NTM: variants seen among roughly 807,000 people sequenced by gnomAD.
NTM encodes the protein neurotrimin.
In NTM, 13 loss-of-function variants were observed where a neutral mutation model predicts 42.1. The observed-to-expected ratio is 0.31, with a 90% CI of 0.20 to 0.49. NTM has a LOEUF of 0.49. NTM is among the 20% of genes least tolerant of loss of function. The pLI is 0.99. For synonymous variants in NTM, 187 were observed against 179.2 expected, an observed-to-expected ratio of 1.04 and a Z score of -0.35; for missense variants, 373 against 452.8, an observed-to-expected ratio of 0.82 and a Z score of 1.60.
In NTM at chr11:132,168,741, G is replaced by T. The variant is rs1446480109; in HGVS notation, c.400+22227G>T. 5.3e-5 allele frequency among the ~76,000 whole-genome samples: 8 copies of T among 152,202 alleles called. No individual in the cohort carries two copies. In the East Asian group the frequency reaches 1.5e-3, roughly 29 times the overall value. ...TTTGGCTTTTAGAACTGATTTTCAG[G>T]CCAGCTCTCCTGGGGAATCTTTAAG... On this transcript the variant is annotated intron_variant, in intron 3 of 8. Transcript: ENST00000683400.
intron 1 of NTM, among the ~76,000 whole-genome samples, chr11:131,480,510 G>A (rs1207198186): frequency 6.6e-6 from 1 of 152,184 alleles, no homozygotes; most frequent in African/African-American, 2.4e-5. Flanking sequence ...TGCAGCTTGT[G>A]TACAACTTCC....
intron 4 of NTM, among the ~76,000 whole-genome samples, chr11:132,229,157 G>A (rs1435898725): frequency 2.0e-5 from 3 of 152,062 alleles, no homozygotes; most frequent in South Asian, 2.1e-4. Flanking sequence ...ATATTTTTAC[G>A]GTAGCTTGGC....
At chr11:131,910,663 G>T (rs1338676576) in intron 1 of NTM, among the ~76,000 whole-genome samples, 5 of 150,228 alleles carry the variant, frequency 3.3e-5, no homozygotes, top group Non-Finnish European at 5.9e-5. Flanking sequence ...GGCGGCCGCT[G>T]AGCTTGGCGT....
intron 1 of NTM, among the ~76,000 whole-genome samples, chr11:131,863,256 T>A (rs1050459194): frequency 6.6e-6 from 1 of 152,200 alleles, no homozygotes; most frequent in East Asian, 1.9e-4. Context: ...GGCTGCTGTC[T>A]CTGGCACCCT....
chr11:131,636,400 C>T (rs9667321), intron 1 of NTM, among the ~76,000 whole-genome samples: 22,781 of 152,206 alleles, frequency 0.15, 1,765 homozygotes, highest in South Asian at 0.2. Flanking sequence ...GCGTTCCTCC[C>T]TGCGGAACCC....
intron 3 of NTM, among the ~76,000 whole-genome samples, chr11:132,210,032 G>T (rs1190750880): frequency 2.0e-5 from 3 of 152,132 alleles, no homozygotes; most frequent in Non-Finnish European, 4.4e-5. Flanking sequence ...TCAAGTAGAG[G>T]CAAGACCAGC....
At chr11:131,424,275 G>C (rs1055995519) in intron 1 of NTM, among the ~76,000 whole-genome samples, 2 of 152,222 alleles carry the variant, frequency 1.3e-5, no homozygotes, top group Non-Finnish European at 2.9e-5. Flanking sequence ...GGATCCCTAT[G>C]TCCTGCTAAG....
chr11:131,434,732 T>C (rs977855944), intron 1 of NTM, among the ~76,000 whole-genome samples: 46 of 152,374 alleles, frequency 3.0e-4, no homozygotes, highest in Non-Finnish European at 5.0e-4. Context: ...TCTCCCATTC[T>C]GTAGGTTGCC....
At chr11:132,014,661 C>G (rs1224158779) in intron 2 of NTM, among the ~76,000 whole-genome samples, 1 of 147,464 alleles carries the variant, frequency 6.8e-6, no homozygotes, top group Admixed American at 6.8e-5. Flanking sequence ...TTTCATATAC[C>G]TGTTAATCAT....
intron 4 of NTM, among the ~76,000 whole-genome samples, chr11:132,273,343 A>T (rs1228807544): frequency 9.5e-6 from 1 of 105,058 alleles, no homozygotes; most frequent in South Asian, 3.0e-4. Flanking sequence ...TTTCCTGAGG[A>T]ATTCCACATA....
intron 1 of NTM, among the ~76,000 whole-genome samples, chr11:131,611,456 CCTCCGGCTCTCTGCCT>C (rs1323692430): frequency 2.0e-5 from 3 of 152,178 alleles, no homozygotes; most frequent in African/African-American, 7.2e-5. Flanking sequence ...CAGGATAAAT[CCTCCGGCTCTCTGCCT>C]CTCCGGCTCC....
At chr11:132,250,920 G>T (rs1479495643) in intron 4 of NTM, among the ~76,000 whole-genome samples, 3 of 152,044 alleles carry the variant, frequency 2.0e-5, no homozygotes. Flanking sequence ...TTGTGTGCCT[G>T]GTTACTTTTG....
In NTM at chr11:131,794,786, A is replaced by G. The variant is rs990596184; in HGVS notation, c.83-116778A>G. On this transcript the variant is annotated intron_variant, in intron 1 of 8. Transcript: ENST00000683400. ...TCCACACACCATGTGAAAAGCATTC[A>G]TGTACTTTGGAAGCCCCTACCTAGA... 7 of 985,316 alleles carry G rather than the reference A, an allele frequency of 7.1e-6. No individual in the cohort carries two copies. In the African/African-American group the frequency reaches 1.2e-4, roughly 17 times the overall value. 61.0% of individuals were successfully genotyped at this position (985,316 alleles called of 1,614,324 possible). A position where few individuals can be genotyped will look rare whatever the true frequency, so the allele number is the denominator to read the frequency against.
intron 2 of NTM, among the ~76,000 whole-genome samples, chr11:132,068,626 A>G (rs1289651200): frequency 1.3e-5 from 2 of 152,246 alleles, no homozygotes; most frequent in Non-Finnish European, 2.9e-5. Context: ...TTCTTCTAGC[A>G]ATAACTCACT....
chr11:132,178,089 TA>T (rs914000649), intron 3 of NTM, among the ~76,000 whole-genome samples: 1 of 152,128 alleles, frequency 6.6e-6, no homozygotes, highest in African/African-American at 2.4e-5. Context: ...ATGCCCAAAT[TA>T]AAAATATTTA....
chr11:131,994,144 T>G (rs953793580), intron 2 of NTM, among the ~76,000 whole-genome samples: 2 of 152,232 alleles, frequency 1.3e-5, no homozygotes, highest in Non-Finnish European at 2.9e-5. Flanking sequence ...AAACACTTGT[T>G]GCAAACATGC....
intron 1 of NTM, among the ~76,000 whole-genome samples, chr11:131,667,977 A>G (rs1160033540): frequency 6.6e-6 from 1 of 152,210 alleles, no homozygotes; most frequent in East Asian, 1.9e-4. Context: ...ACACTGTGCA[A>G]TCCACTTCTG....
chr11:131,751,817 C>A (rs1565501338), intron 1 of NTM, among the ~76,000 whole-genome samples: 2 of 141,556 alleles, frequency 1.4e-5, no homozygotes, highest in African/African-American at 5.2e-5. Flanking sequence ...TAATTATACT[C>A]ATGTGTTTGT....
chr11:132,075,870 T>C (rs571597815), intron 2 of NTM, among the ~76,000 whole-genome samples: 27 of 152,370 alleles, frequency 1.8e-4, no homozygotes, highest in Admixed American at 5.9e-4. Flanking sequence ...CTCAGAATTA[T>C]TGAAAATTGG....
Sources: gnomAD v4.1 joint callset for allele counts (sites outside exome capture counted in the v4.1 genomes callset) on GRCh38, gnomAD v4.1.1 for gene constraint, MANE v1.5 for transcripts, NCBI Gene and HGNC (gene_info 2026-07-23, HGNC 2026-07-21) for gene names.